LDLRAD3: variants seen among roughly 807,000 people sequenced by gnomAD.
LDLRAD3 encodes the protein low density lipoprotein receptor class A domain containing 3, also known as low-density lipoprotein receptor class A domain-containing protein 3.
LDLRAD3 carries 20 observed loss-of-function variants against 29.4 expected under a neutral mutation model. That is an observed-to-expected ratio of 0.68 (90% CI 0.48 to 0.99). The LOEUF (loss-of-function observed/expected upper bound fraction) is 0.99, where lower values mean the gene tolerates loss of function less well. LDLRAD3 is among the 50% of genes least tolerant of loss of function. The pLI is 0.00. For synonymous variants in LDLRAD3, 157 were observed against 192.7 expected (o/e 0.81, Z 1.53); for missense variants, 420 against 454.3 (o/e 0.92, Z 0.69).
intron 2 of LDLRAD3, among the ~76,000 whole-genome samples, chr11:36,063,995 A>G (rs1263381550): frequency 6.6e-6 from 1 of 152,192 alleles, no homozygotes; most frequent in African/African-American, 2.4e-5. Context: ...CTGTGGATCA[A>G]TTTGGGGAGT....
intron 1 of LDLRAD3, among the ~76,000 whole-genome samples, chr11:35,960,250 A>AGAATATCCTATTATAT (rs1851259162): frequency 1.3e-5 from 2 of 152,228 alleles, no homozygotes; most frequent in African/African-American, 4.8e-5. Context: ...TAGCTGCGGT[A>AGAATATCCTATTATAT]GAATATCCTA....
chr11:36,070,205 CA>C (rs1211703454), intron 2 of LDLRAD3, among the ~76,000 whole-genome samples: 6 of 152,236 alleles, frequency 3.9e-5, no homozygotes, highest in Admixed American at 2.0e-4. Context: ...ATTGGCCAAA[CA>C]GGGGCAGATT....
intron 4 of LDLRAD3, among the ~76,000 whole-genome samples, chr11:36,173,407 A>G (rs1185902151): frequency 4.3e-5 from 6 of 140,212 alleles, no homozygotes; most frequent in African/African-American, 1.3e-4. Context: ...TCATTGTTCA[A>G]TTCCCACCTA....
chr11:36,192,480 A>G (rs540980092), intron 4 of LDLRAD3, among the ~76,000 whole-genome samples: 3 of 152,314 alleles, frequency 2.0e-5, no homozygotes, highest in African/African-American at 7.2e-5. Context: ...ATTTTGGTCT[A>G]CCACAAACTA....
chr11:35,962,578 A>G (rs954780731), intron 1 of LDLRAD3, among the ~76,000 whole-genome samples: 1 of 152,056 alleles, frequency 6.6e-6, no homozygotes, highest in African/African-American at 2.4e-5. Context: ...TCTCTGGACC[A>G]CCTCCAGTTT....
intron 4 of LDLRAD3, among the ~76,000 whole-genome samples, chr11:36,105,458 C>T (rs1305580536): frequency 6.6e-6 from 1 of 152,064 alleles, no homozygotes; most frequent in African/African-American, 2.4e-5. Context: ...TGTTAATGTC[C>T]TAAACCCCAG....
chr11:36,000,057 A>G (rs1268669028), intron 1 of LDLRAD3, among the ~76,000 whole-genome samples: 1 of 152,166 alleles, frequency 6.6e-6, no homozygotes, highest in Non-Finnish European at 1.5e-5. Flanking sequence ...ACGAAAATGA[A>G]TAGGCTAGAT....
chr11:36,139,339 C>T (rs1013726513), intron 4 of LDLRAD3, among the ~76,000 whole-genome samples: 3 of 152,166 alleles, frequency 2.0e-5, no homozygotes, highest in African/African-American at 2.4e-5. Flanking sequence ...ATAATTCATC[C>T]GTCAATTATA....
intron 2 of LDLRAD3, among the ~76,000 whole-genome samples, chr11:36,061,781 A>G (rs891411732): frequency 3.9e-5 from 6 of 152,224 alleles, no homozygotes; most frequent in African/African-American, 1.2e-4. Context: ...AACTTTTATT[A>G]CTATGGCAAC....
Position 36,220,610 on chromosome 11 carries a change from T to C in LDLRAD3, c.455-6475T>C, listed in dbSNP as rs902401746. 9.8e-5 allele frequency among the ~76,000 whole-genome samples: 15 copies of C among 152,352 alleles called. No individual in the cohort carries two copies. In the South Asian group the frequency reaches 1.5e-3, roughly 15 times the overall value. On this transcript the variant is annotated intron_variant, in intron 4 of 5. Coordinates refer to ENST00000315571, the MANE Select transcript of LDLRAD3 (RefSeq NM_174902.4). ...AAGAAAGAATTGATGCAAAGGACTA[T>C]GTAAAAATTTGTTTTTACATACTGT...
chr11:36,193,157 G>C (rs1854981348), intron 4 of LDLRAD3, among the ~76,000 whole-genome samples: 1 of 152,172 alleles, frequency 6.6e-6, no homozygotes, highest in African/African-American at 2.4e-5. Context: ...CTGTAAAATG[G>C]GGGTAATGCT....
At chr11:36,007,875 T>C (rs1851904658) in intron 1 of LDLRAD3, among the ~76,000 whole-genome samples, 1 of 152,070 alleles carries the variant, frequency 6.6e-6, no homozygotes, top group Non-Finnish European at 1.5e-5. Context: ...GGGTGTGAGA[T>C]GGTTGGATTT....
intron 1 of LDLRAD3, among the ~76,000 whole-genome samples, chr11:35,953,366 C>T (rs931515476): frequency 6.6e-6 from 1 of 152,136 alleles, no homozygotes; most frequent in Non-Finnish European, 1.5e-5. Context: ...CTTGCATACC[C>T]AAGGTGCCAG....
At chr11:36,171,216 T>C (rs1854594655) in intron 4 of LDLRAD3, among the ~76,000 whole-genome samples, 1 of 152,190 alleles carries the variant, frequency 6.6e-6, no homozygotes, top group South Asian at 2.1e-4. Context: ...GAATGCATAG[T>C]TTGCAAAGAT....
At chr11:36,021,075 G>A (rs1424006615) in intron 1 of LDLRAD3, among the ~76,000 whole-genome samples, 2 of 152,160 alleles carry the variant, frequency 1.3e-5, no homozygotes, top group Non-Finnish European at 2.9e-5. Flanking sequence ...AGGAGGAGCA[G>A]CTTTAGAAGA....
chr11:36,002,447 G>C (rs1310131028), intron 1 of LDLRAD3, among the ~76,000 whole-genome samples: 1 of 152,186 alleles, frequency 6.6e-6, no homozygotes, highest in African/African-American at 2.4e-5. Flanking sequence ...AGTCAGAGCT[G>C]GTGTTGCATG....
rs574705379 is a variant in LDLRAD3 at position 36,044,021 on chromosome 11, C to T, written c.193+7772C>T. 7.2e-5 allele frequency among the ~76,000 whole-genome samples: 11 copies of T among 152,270 alleles called. No homozygotes were observed. In the South Asian group the frequency reaches 2.3e-3, roughly 32 times the overall value. ...TGGTTTTTAAATGTCTCACCTAATT[C>T]CTGGCATGATCCTCACTTCACTAAA... On this transcript the variant is annotated intron_variant, in intron 2 of 5. Coordinates refer to ENST00000315571, the MANE Select transcript of LDLRAD3 (RefSeq NM_174902.4).
Position 36,025,458 on chromosome 11 carries a change from A to G in LDLRAD3, c.47-10645A>G, listed in dbSNP as rs188294377. Among the ~76,000 whole-genome samples, 507 of 145,332 alleles carry G rather than the reference A, an allele frequency of 3.5e-3. 5 individuals carry two copies. The highest frequency in any genetic ancestry group is 0.012 in the African/African-American group (482 of 39,284). On this transcript the variant is annotated intron_variant, in intron 1 of 5. Transcript: ENST00000315571. ...GTCTGGAGTGCAGTGGTGTGATCTC[A>G]GCTCACTGCAAGCACCGCCTCCAGG...
At chr11:36,120,300 T>C (rs935558894) in intron 4 of LDLRAD3, among the ~76,000 whole-genome samples, 4 of 152,134 alleles carry the variant, frequency 2.6e-5, no homozygotes, top group Admixed American at 1.3e-4. Flanking sequence ...CTGAGTGACC[T>C]TATAACACCA....
Sources: allele counts gnomAD v4.1 joint callset (sites outside exome capture counted in the v4.1 genomes callset), GRCh38; gene constraint gnomAD v4.1.1; transcripts MANE v1.5; gene names NCBI Gene and HGNC (gene_info 2026-07-23, HGNC 2026-07-21).